SORL1: variants seen among roughly 807,000 people sequenced by gnomAD.
The protein encoded by SORL1 is sortilin-related receptor.
Under a neutral mutation model 273.7 loss-of-function variants are expected in SORL1, and 127 were observed. The observed-to-expected ratio is 0.46, with a 90% CI of 0.40 to 0.54. The LOEUF (loss-of-function observed/expected upper bound fraction) is 0.54. Among genes scored for constraint, SORL1 ranks in the 20% least tolerant of loss-of-function variants. The probability of loss-of-function intolerance (pLI) is 0.00; values close to 1 mark genes in which losing one functional copy is unlikely to be tolerated. For missense variants in SORL1, 2,494 were observed against 2,846.1 expected, an observed-to-expected ratio of 0.88 and a Z score of 2.81; for synonymous variants, 1,031 against 1,067.4, an observed-to-expected ratio of 0.97 and a Z score of 0.66.
chr11:121,557,746 A>G (rs1862612797), intron 19 of SORL1, among the ~76,000 whole-genome samples: 1 of 152,226 alleles, frequency 6.6e-6, no homozygotes, highest in African/African-American at 2.4e-5. Context: ...TGGTACAAAC[A>G]TTTAATTCAT....
chr11:121,454,111 A>G (rs1860862176), intron 1 of SORL1, among the ~76,000 whole-genome samples: 1 of 152,188 alleles, frequency 6.6e-6, no homozygotes, highest in African/African-American at 2.4e-5. Flanking sequence ...TATGACAAAT[A>G]TGTGTATGAA....
chr11:121,594,782 T>C (rs1488876430), intron 31 of SORL1, among the ~76,000 whole-genome samples: 1 of 152,178 alleles, frequency 6.6e-6, no homozygotes. Context: ...GGCTGGGGAC[T>C]AAAGTGCTGG....
chr11:121,569,373 G>A (rs999524058), intron 22 of SORL1, among the ~76,000 whole-genome samples: 5 of 152,218 alleles, frequency 3.3e-5, no homozygotes, highest in African/African-American at 7.2e-5. Context: ...TCTGACTGCC[G>A]GTGAGCCGGG....
rs189020046 is a variant in SORL1, at chr11:121,543,462, C to A, written c.1686-86C>A. ...GCCATTTCTCCAAGGAGCCCTGGTTCCTGTTCCTGGTGAATGTTATATGGA... is the reference window on the plus strand; with the variant it reads ...GCCATTTCTCCAAGGAGCCCTGGTTACTGTTCCTGGTGAATGTTATATGGA... On this transcript the variant is annotated intron_variant, in intron 12 of 47. Transcript: ENST00000260197. 12 of 1,100,448 alleles carry A rather than the reference C, an allele frequency of 1.1e-5. No homozygotes were observed. The East Asian group carries it at 2.7e-4, about 24-fold the overall frequency. The allele number at this position is 1,100,448 out of a possible 1,614,324, so 68.2% of individuals were successfully genotyped here.
intron 27 of SORL1, among the ~76,000 whole-genome samples, chr11:121,587,029 T>C (rs1476558980): frequency 6.6e-6 from 1 of 152,150 alleles, no homozygotes; most frequent in Non-Finnish European, 1.5e-5. Flanking sequence ...TAAATGAAGT[T>C]TGATTTGCAT....
At chr11:121,498,135 G>T (rs558831078) in intron 6 of SORL1, among the ~76,000 whole-genome samples, 1 of 152,332 alleles carries the variant, frequency 6.6e-6, no homozygotes, top group South Asian at 2.1e-4. Flanking sequence ...TTCTTGTCAG[G>T]CCATTTGCAT....
chr11:121,508,156 CA>C (rs1181257866), intron 6 of SORL1, among the ~76,000 whole-genome samples: 23 of 152,178 alleles, frequency 1.5e-4, no homozygotes, highest in Middle Eastern at 3.2e-3. Flanking sequence ...GGTATACCTT[CA>C]ATGCTTTTGC....
At chr11:121,467,865 G>A (rs1385019327) in intron 1 of SORL1, among the ~76,000 whole-genome samples, 1 of 152,210 alleles carries the variant, frequency 6.6e-6, no homozygotes, top group African/African-American at 2.4e-5. Context: ...ATCTGGGAAT[G>A]AGGAGAGACA....
chr11:121,464,165 G>C (rs1861047415), intron 1 of SORL1, among the ~76,000 whole-genome samples: 1 of 152,202 alleles, frequency 6.6e-6, no homozygotes, highest in African/African-American at 2.4e-5. Flanking sequence ...GGCTGTGTAG[G>C]AGTTGTGAGG....
chr11:121,480,547 C>T (rs1861356211), intron 3 of SORL1, among the ~76,000 whole-genome samples: 1 of 151,998 alleles, frequency 6.6e-6, no homozygotes, highest in Non-Finnish European at 1.5e-5. Context: ...TTCATCTCCT[C>T]CTCCTCACCT....
At chr11:121,599,543 A>C (rs370933382) in intron 32 of SORL1, among the ~76,000 whole-genome samples, 1 of 152,362 alleles carries the variant, frequency 6.6e-6, no homozygotes, top group South Asian at 2.1e-4. Flanking sequence ...AAACTGTCAA[A>C]TAAATAAAAA....
intron 42 of SORL1, among the ~76,000 whole-genome samples, chr11:121,619,144 CAA>C (rs1331491233): frequency 6.6e-6 from 1 of 152,140 alleles, no homozygotes; most frequent in Non-Finnish European, 1.5e-5. Flanking sequence ...ATAGATAAAT[CAA>C]AAATTTTTAT....
At position 121,577,456 on chromosome 11, in the gene SORL1, A is replaced by G. The variant is rs558633208; in HGVS notation, c.3580+56A>G. ...CTCATCCGTTCATGCAGTGGTTAACATTATAGCTTTAAACGATCGGAAAAT... is the reference window on the plus strand; with the variant it reads ...CTCATCCGTTCATGCAGTGGTTAACGTTATAGCTTTAAACGATCGGAAAAT... On this transcript the variant is annotated intron_variant, in intron 25 of 47. Coordinates refer to ENST00000260197, the MANE Select transcript of SORL1 (RefSeq NM_003105.6). 8 of 1,471,230 alleles carry G rather than the reference A, an allele frequency of 5.4e-6. 1 individual carries two copies. In the South Asian group the frequency reaches 1.2e-4, roughly 22 times the overall value. The allele number at this position is 1,471,230 out of a possible 1,614,324, so 91.1% of individuals were successfully genotyped here. A position where few individuals can be genotyped will look rare whatever the true frequency, so the allele number is the denominator to read the frequency against.
chr11:121,629,181 G>A, intron 47 of SORL1: 1 of 345,338 alleles, frequency 2.9e-6, no homozygotes, highest in East Asian at 4.9e-5. Context: ...TCAAACTGGG[G>A]AACCCAAACT....
Position 121,589,299 on chromosome 11 carries a change from T to C in SORL1, c.3987T>C (p.Gly1329=). 6.2e-7 allele frequency: 1 copy of C among 1,613,732 alleles called. No individual in the cohort carries two copies. Among genetic ancestry groups the C allele is most frequent in the Non-Finnish European group, 8.5e-7 (1 of 1,179,612 alleles). ...PEFHKVCDEF[G]FQCQNGVCIS... ...TCCACAAGGTATGTGATGAGTTCGG[T>C]TTCCAGTGTCAGAATGGAGTGTGCA... is the stretch of plus-strand genomic sequence containing the variant. Residue 1329 remains glycine, a synonymous_variant, in exon 29 of 48, where the codon GGT becomes GGC. Transcript: ENST00000260197.
rs748083252 is a variant in SORL1, at chr11:121,550,623, A to G, written c.2219A>G (p.Asp740Gly). ...KISGDTCSGGDVEARLEGELV... is the reference protein window; with the variant it reads ...KISGDTCSGGGVEARLEGELV... ...TCTGGGGACACTTGTAGCGGAGGAGATGTTGAAGCGCGACTGGAAGGAGAG... is the reference window on the plus strand; with the variant it reads ...TCTGGGGACACTTGTAGCGGAGGAGGTGTTGAAGCGCGACTGGAAGGAGAG... Residue 740 changes from aspartate (D) to glycine (G), a missense_variant, in exon 16 of 48, where the codon GAT becomes GGT. Around this residue, in one of 3 missense-constraint regions of SORL1, gnomAD observed 710 missense variants for 882.5 expected, o/e 0.80. Transcript: ENST00000260197. This position sits in a 1 kb window ranked among gnomAD's most constrained non-coding sequence, Gnocchi z 5.3. 7 of 1,613,922 alleles carry G rather than the reference A, an allele frequency of 4.3e-6. No homozygotes were observed. The South Asian group carries it at 7.7e-5, about 18-fold the overall frequency.
chr11:121,469,322 A>G (rs1310527527), intron 1 of SORL1, among the ~76,000 whole-genome samples: 4 of 152,200 alleles, frequency 2.6e-5, no homozygotes, highest in Non-Finnish European at 5.9e-5. Flanking sequence ...CAGAGGAAAG[A>G]GATTGAGAGA....
In SORL1 at chr11:121,612,743, G is replaced by A; in HGVS notation, c.5330G>A (p.Gly1777Asp). Residue 1777 changes from glycine (G) to aspartate (D), a missense_variant, in exon 40 of 48, where the codon GGC becomes GAC. Coordinates refer to ENST00000260197, the MANE Select transcript of SORL1 (RefSeq NM_003105.6). ...CTTCTTGGTTCTCGGCAGGTGAATG[G>A]CTATGTGGTGAACCTTTTCTGGGCA... ...LTMESDIKVNGYVVNLFWAFD... is the reference protein window; with the variant it reads ...LTMESDIKVNDYVVNLFWAFD... 6.2e-7 allele frequency: 1 copy of A among 1,613,914 alleles called. No individual in the cohort carries two copies. Among genetic ancestry groups the A allele is most frequent in the Non-Finnish European group, 8.5e-7 (1 of 1,179,804 alleles).
chr11:121,599,342 T>A (rs545680989), intron 32 of SORL1, among the ~76,000 whole-genome samples: 2 of 152,270 alleles, frequency 1.3e-5, no homozygotes, highest in East Asian at 3.9e-4. Context: ...GTCGGGAGTT[T>A]GAGACCAGCC....
Sources: gnomAD v4.1 joint callset for allele counts (sites outside exome capture counted in the v4.1 genomes callset) on GRCh38, gnomAD v4.1.1 for gene constraint, gnomAD v4.1.1 regional missense constraint, Gnocchi (gnomAD v3.1) non-coding constraint, MANE v1.5 for transcripts, NCBI Gene and HGNC (gene_info 2026-07-23, HGNC 2026-07-21) for gene names.